Variants in SIDT1 observed in about 807,000 individuals in gnomAD.
SIDT1 encodes the protein SID1 transmembrane family, member 1.
Under a neutral mutation model 107.5 loss-of-function variants are expected in SIDT1, and 101 were observed. That is an observed-to-expected ratio of 0.94 (90% CI 0.80 to 1.11). The LOEUF (loss-of-function observed/expected upper bound fraction) is 1.11, where lower values mean the gene tolerates loss of function less well. Among genes scored for constraint, SIDT1 ranks in the 50% least tolerant of loss-of-function variants. The pLI, the probability that SIDT1 is intolerant of heterozygous loss-of-function variation, is 0.00. For synonymous variants in SIDT1, 395 were observed against 398.2 expected (o/e 0.99, Z 0.10); for missense variants, 1,076 against 1,058.2 (o/e 1.02, Z -0.23).
chr3:113,621,113 C>G (rs576846322), intron 21 of SIDT1, among the ~76,000 whole-genome samples: 2 of 152,122 alleles, frequency 1.3e-5, no homozygotes, highest in African/African-American at 4.8e-5. Flanking sequence ...TTCGTATGGT[C>G]CTGAGTTATA....
In SIDT1 at chr3:113,536,323, A is replaced by G. The variant is rs115391036; in HGVS notation, c.222+3080A>G. Among the ~76,000 whole-genome samples the G allele has an allele frequency of 5.7e-3, 875 of 152,334 alleles. 3 individuals carry two copies. The highest frequency in any genetic ancestry group is 9.1e-3 in the Non-Finnish European group (621 of 68,038). On this transcript the variant is annotated intron_variant, in intron 1 of 24. Transcript: ENST00000264852. The stretch of plus-strand genomic sequence containing the variant: ...CCAGACCTACGATCTTTAGAGCAGA[A>G]GCTTGGACATGACTGGTTTCCCTTT...
chr3:113,575,883 A>G (rs1942858817), intron 3 of SIDT1, among the ~76,000 whole-genome samples: 1 of 152,200 alleles, frequency 6.6e-6, no homozygotes, highest in Non-Finnish European at 1.5e-5. Flanking sequence ...CCAGAAGTTC[A>G]AGTTCAGATG....
intron 1 of SIDT1, among the ~76,000 whole-genome samples, chr3:113,551,837 G>C (rs1309096159): frequency 1.3e-5 from 2 of 151,852 alleles, no homozygotes; most frequent in African/African-American, 4.8e-5. Context: ...GTGTGTGTGT[G>C]TGTGTGTGTG....
intron 1 of SIDT1, among the ~76,000 whole-genome samples, chr3:113,548,998 C>T (rs1047509208): frequency 1.1e-4 from 17 of 152,206 alleles, no homozygotes; most frequent in Admixed American, 1.0e-3. Flanking sequence ...TGAAATCATA[C>T]AACTTGTAGC....
intron 10 of SIDT1, chr3:113,594,745 G>C (rs550234952): frequency 6.6e-6 from 1 of 152,530 alleles, no homozygotes; most frequent in Non-Finnish European, 1.5e-5. Flanking sequence ...GCATCATTGA[G>C]ATTCATGTGG....
rs142055521 is a variant in SIDT1 at position 113,554,347 on chromosome 3, G to A, written c.223-12073G>A. ...TCTGAACCCCATTTGATATGGTTGG[G>A]CTGTGTCTCCATCCAAATCTCATCT... On this transcript the variant is annotated intron_variant, in intron 1 of 24. Coordinates refer to ENST00000264852, the MANE Select transcript of SIDT1 (RefSeq NM_017699.3). 5.1e-3 allele frequency among the ~76,000 whole-genome samples: 780 copies of A among 152,284 alleles called. 4 individuals are homozygous for A. The highest frequency in any genetic ancestry group is 0.018 in the African/African-American group (732 of 41,550).
intron 10 of SIDT1, among the ~76,000 whole-genome samples, chr3:113,598,819 G>C (rs1195736303): frequency 2.6e-5 from 4 of 152,164 alleles, no homozygotes; most frequent in African/African-American, 7.2e-5. Flanking sequence ...AAGGACATAG[G>C]TTAGTGACTT....
intron 1 of SIDT1, among the ~76,000 whole-genome samples, chr3:113,559,149 C>T (rs1311571752): frequency 6.6e-6 from 1 of 152,166 alleles, no homozygotes; most frequent in Admixed American, 6.5e-5. Context: ...TTGCAGTGAA[C>T]ATTCTTGTTT....
intron 15 of SIDT1, 39 bp downstream of exon 15, chr3:113,607,153 G>A: frequency 3.2e-6 from 4 of 1,263,066 alleles, no homozygotes; most frequent in Non-Finnish European, 4.6e-6. Flanking sequence ...GGCATTTAGA[G>A]ATGCCTTTCT....
chr3:113,585,072 C>A, intron 8 of SIDT1, 105 bp from the exon 9 acceptor site: 1 of 807,940 alleles, frequency 1.2e-6, no homozygotes, highest in Non-Finnish European at 2.1e-6. Context: ...TTATTAGGAC[C>A]TAAGAATCAA....
rs149416015 is a variant in SIDT1, at chr3:113,540,617, C to A, written c.222+7374C>A. On this transcript the variant is annotated intron_variant, in intron 1 of 24. Coordinates refer to ENST00000264852, the MANE Select transcript of SIDT1 (RefSeq NM_017699.3). The stretch of plus-strand genomic sequence containing the variant: ...TTTTACTTCTGAATTTTAGATATTG[C>A]ATCTTAATTTTGTTTGAAAATTAAA... Among the ~76,000 whole-genome samples, 340 of 152,262 alleles carry A rather than the reference C, an allele frequency of 2.2e-3. 2 individuals carry two copies. The highest frequency in any genetic ancestry group is 7.8e-3 in the African/African-American group (322 of 41,540).
chr3:113,569,298 A>G (rs1942234012), intron 3 of SIDT1, among the ~76,000 whole-genome samples: 1 of 152,206 alleles, frequency 6.6e-6, no homozygotes, highest in Non-Finnish European at 1.5e-5. Context: ...ATGTTTGACG[A>G]TAATTTATTC....
rs1236952906 is a variant in SIDT1 at position 113,533,066 on chromosome 3, G to C, written c.45G>C (p.Trp15Cys). 6.7e-7 allele frequency: 1 copy of C among 1,490,390 alleles called. No homozygotes were observed. The highest frequency in any genetic ancestry group is 2.9e-5 in the East Asian group (1 of 34,938). The allele number at this position is 1,490,390 out of a possible 1,614,324, so 92.3% of individuals were successfully genotyped here. The change falls in exon 1 of 25, where the codon TGG becomes TGC. Residue 15 changes from tryptophan to cysteine, a missense_variant. Trp to Cys is a radical substitution (Grantham distance 215, BLOSUM62 -2). Transcript: ENST00000264852. ...TCGCGCTGCTCTGCGCGCTGCCCTG[G>C]CTCCTGCTGGCGGCGTCGCCCGGGC... ...LRLALLCALPWLLLAASPGHP... is the reference protein window; with the variant it reads ...LRLALLCALPCLLLAASPGHP...
intron 1 of SIDT1, among the ~76,000 whole-genome samples, chr3:113,552,843 G>T (rs568236969): frequency 3.5e-4 from 53 of 152,316 alleles, no homozygotes; most frequent in African/African-American, 1.2e-3. Context: ...TCCATGGGCA[G>T]CCTTGCTTCC....
chr3:113,574,185 T>G (rs538799551), intron 3 of SIDT1, among the ~76,000 whole-genome samples: 3 of 152,156 alleles, frequency 2.0e-5, no homozygotes, highest in Non-Finnish European at 4.4e-5. Flanking sequence ...GTTGGATATT[T>G]GTAGATGCAA....
chr3:113,535,477 G>A (rs910039815), intron 1 of SIDT1, among the ~76,000 whole-genome samples: 2 of 152,002 alleles, frequency 1.3e-5, no homozygotes, highest in African/African-American at 2.4e-5. Flanking sequence ...AAACAAATTT[G>A]GTTTTTATAA....
chr3:113,566,544 A>G lies in SIDT1; in HGVS notation c.344+3A>G. On this transcript the variant is annotated splice_donor_region_variant and intron_variant, in intron 2 of 24. Coordinates refer to ENST00000264852, the MANE Select transcript of SIDT1 (RefSeq NM_017699.3). Reference sequence around the variant, plus strand: ...GTTCCTCTGCTCTTCCAAGGACTGTAAGTGGGTTTTCTTCCAGGCAACTTC... The same window carrying G: ...GTTCCTCTGCTCTTCCAAGGACTGTGAGTGGGTTTTCTTCCAGGCAACTTC... The G allele has an allele frequency of 6.2e-7, 1 of 1,612,258 alleles. No individual in the cohort carries two copies. Among genetic ancestry groups the G allele is most frequent in the Non-Finnish European group, 8.5e-7 (1 of 1,179,276 alleles).
In SIDT1 at chr3:113,608,168, G is replaced by C; in HGVS notation, c.1553G>C (p.Arg518Pro). 1 of 1,611,396 alleles carries C rather than the reference G, an allele frequency of 6.2e-7. No homozygotes were observed. Among genetic ancestry groups the C allele is most frequent in the Non-Finnish European group, 8.5e-7 (1 of 1,178,954 alleles). The change falls in exon 16 of 25, where the codon CGC becomes CCC. Residue 518 changes from arginine to proline, a missense_variant. Arg to Pro is a moderately radical substitution (Grantham distance 103, BLOSUM62 -2). Transcript: ENST00000264852. Reference sequence around the variant, plus strand: ...CTCTTCCTGCTGATAGTCTTGCGCCGCGACATCCTCCATCGGAGAGCCCTG... The same window carrying C: ...CTCTTCCTGCTGATAGTCTTGCGCCCCGACATCCTCCATCGGAGAGCCCTG... Reference protein sequence around the residue: ...GFLFLLIVLRRDILHRRALEA... With the variant: ...GFLFLLIVLRPDILHRRALEA...
intron 1 of SIDT1, among the ~76,000 whole-genome samples, chr3:113,547,230 G>A (rs879685352): frequency 2.0e-5 from 3 of 151,854 alleles, no homozygotes; most frequent in Non-Finnish European, 2.9e-5. Context: ...CCAGAAATAC[G>A]TGCAATTTTT....
Sources: allele counts gnomAD v4.1 joint callset (sites outside exome capture counted in the v4.1 genomes callset), GRCh38; gene constraint gnomAD v4.1.1; transcripts MANE v1.5; gene names NCBI Gene and HGNC (gene_info 2026-07-23, HGNC 2026-07-21).